COPG1: variants seen among roughly 807,000 people sequenced by gnomAD.
The protein encoded by COPG1 is coat protein complex I subunit gamma 1.
Under a neutral mutation model 102.8 loss-of-function variants are expected in COPG1, and 29 were observed. The ratio of observed to expected loss-of-function variants is 0.28; its 90% CI spans 0.21 to 0.38. The LOEUF is 0.38. COPG1 is among the 10% of genes least tolerant of loss of function. The probability of loss-of-function intolerance (pLI) is 1.00; values close to 1 mark genes in which losing one functional copy is unlikely to be tolerated. For missense variants in COPG1, 875 were observed against 1,132.7 expected (o/e 0.77, Z 3.27); for synonymous variants, 406 against 421.6 (o/e 0.96, Z 0.45).
At chr3:129,267,155 C>T in intron 15 of COPG1, 56 bp downstream of exon 15, 1 of 1,362,766 alleles carries the variant, frequency 7.3e-7, no homozygotes, top group Non-Finnish European at 1.0e-6. Context: ...ACCCAAGCAG[C>T]TTTCCTTTGT....
At chr3:129,269,085 C>T (rs1254351357) in intron 18 of COPG1, 85 bp downstream of exon 18, 1 of 1,194,140 alleles carries the variant, frequency 8.4e-7, no homozygotes, top group Non-Finnish European at 1.3e-6. Flanking sequence ...ATATATTGGT[C>T]TCTCCTGAGT....
chr3:129,253,317 T>C (rs1191319371), intron 5 of COPG1, among the ~76,000 whole-genome samples: 1 of 152,210 alleles, frequency 6.6e-6, no homozygotes, highest in Admixed American at 6.5e-5. Context: ...AGCTAAGCAA[T>C]TCAGGGACAG....
chr3:129,277,486 T>C lies in COPG1; in HGVS notation c.*62T>C. 6.5e-7 allele frequency: 1 copy of C among 1,547,850 alleles called. No homozygotes were observed. The highest frequency in any genetic ancestry group is 8.8e-7 in the Non-Finnish European group (1 of 1,130,498). ...ACACTACCTGGAAGTTGTGCCTTCC[T>C]CATGAAACTGGCAGAAACCCCTTCC... On this transcript the variant is annotated 3_prime_UTR_variant, in exon 24 of 24. Transcript: ENST00000314797.
Position 129,254,728 on chromosome 3 carries a change from C to G in COPG1, c.384C>G (p.Leu128=), listed in dbSNP as rs1333659138. Residue 128 remains leucine (L), a synonymous_variant, in exon 6 of 24, where the codon CTC becomes CTG. Coordinates refer to ENST00000314797, the MANE Select transcript of COPG1 (RefSeq NM_016128.4). ...ACCGGGGCCCGGCCGTGCGAGCCCT[C>G]TGCCAGATCACTGATGTGAGTCGTG... ...DNYRGPAVRA[L]CQITDSTMLQ... is the part of the protein sequence containing the mutation. 1.2e-6 allele frequency: 2 copies of G among 1,614,058 alleles called. No homozygotes were observed. Among genetic ancestry groups the G allele is most frequent in the Non-Finnish European group, 1.7e-6 (2 of 1,179,914 alleles).
intron 13 of COPG1, among the ~76,000 whole-genome samples, chr3:129,264,967 G>GC (rs1381165846): frequency 1.3e-5 from 2 of 151,420 alleles, no homozygotes; most frequent in Non-Finnish European, 2.9e-5. Flanking sequence ...GACTACAGGT[G>GC]CCCCCCACCA....
At chr3:129,252,575 T>C (rs1380583821) in intron 3 of COPG1, 48 bp from the exon 4 acceptor site, 2 of 1,484,856 alleles carry the variant, frequency 1.3e-6, no homozygotes, top group Non-Finnish European at 1.9e-6. Context: ...AAAGAACTGC[T>C]GTCTGACCCT....
intron 13 of COPG1, among the ~76,000 whole-genome samples, chr3:129,264,821 G>GTT (rs112474062): frequency 6.2e-5 from 9 of 145,044 alleles, no homozygotes; most frequent in Non-Finnish European, 9.1e-5. Context: ...CATGATAGCA[G>GTT]TTTTTTTTTT....
chr3:129,260,874 C>T (rs1939913292), intron 12 of COPG1, 67 bp downstream of exon 12: 7 of 1,523,716 alleles, frequency 4.6e-6, no homozygotes, highest in Non-Finnish European at 6.3e-6. Context: ...TCTCTGTGGC[C>T]ACAGCCTTCC....
chr3:129,265,413 G>C (rs1476600680), intron 13 of COPG1, 136 bp from the exon 14 acceptor site: 2 of 1,046,288 alleles, frequency 1.9e-6, no homozygotes, highest in Non-Finnish European at 1.4e-6. Context: ...TGACAGGAAA[G>C]AGTGATAGAG....
At chr3:129,250,565 T>C in intron 1 of COPG1, 117 bp from the exon 2 acceptor site, 2 of 789,658 alleles carry the variant, frequency 2.5e-6, no homozygotes, top group Non-Finnish European at 4.3e-6. Flanking sequence ...TTGCCATTCC[T>C]GAGGAGTTTG....
In COPG1 at chr3:129,272,794, C is replaced by G; in HGVS notation, c.2159-13C>G. ...TGGGGACATCCTAACTACCCAGCCT[C>G]TCTTCCCCACAGTGGCCTGCACATT... On this transcript the variant is annotated splice_polypyrimidine_tract_variant and intron_variant, in intron 20 of 23. Transcript: ENST00000314797. The G allele has an allele frequency of 1.3e-6, 2 of 1,595,536 alleles. No homozygotes were observed. Among genetic ancestry groups the G allele is most frequent in the Non-Finnish European group, 1.7e-6 (2 of 1,164,090 alleles).
chr3:129,254,484 G>A (rs779833800), intron 5 of COPG1, 184 bp from the exon 6 acceptor site: 66 of 546,778 alleles, frequency 1.2e-4, no homozygotes, highest in Non-Finnish European at 1.1e-4. Flanking sequence ...TGACCTGTTT[G>A]GTTTTGAGTC....
At chr3:129,255,179 C>A in intron 7 of COPG1, 102 bp downstream of exon 7, 5 of 610,250 alleles carry the variant, frequency 8.2e-6, no homozygotes, top group Non-Finnish European at 1.1e-5. Flanking sequence ...TTCTTTCTTT[C>A]TTTTTTTTTT....
rs1939909046 is a variant in COPG1 at position 129,260,714 on chromosome 3, C to T, written c.1035C>T (p.Ile345=). 6.2e-7 allele frequency: 1 copy of T among 1,613,752 alleles called. No homozygotes were observed. The highest frequency in any genetic ancestry group is 8.5e-7 in the Non-Finnish European group (1 of 1,180,050). The change falls in exon 12 of 24, where the codon ATC becomes ATT. Residue 345 remains isoleucine (I), a synonymous_variant. Transcript: ENST00000314797. ...DSNRSIATLA[I]TTLLKTGSES... is the part of the protein sequence containing the mutation. ...ACCGCAGCATTGCCACGCTGGCCAT[C>T]ACCACCCTCCTTAAGACGGGCAGCG... is the stretch of plus-strand genomic sequence containing the variant.
chr3:129,263,272 G>T (rs1939977505), intron 12 of COPG1, among the ~76,000 whole-genome samples: 1 of 152,186 alleles, frequency 6.6e-6, no homozygotes, highest in Non-Finnish European at 1.5e-5. Flanking sequence ...GTTTGCAGGG[G>T]AGGAAAAGAT....
rs751992693 is a variant in COPG1, at chr3:129,268,576, A to G, written c.1730A>G (p.Lys577Arg). The change falls in exon 17 of 24, where the codon AAG becomes AGG. Residue 577 changes from lysine to arginine, a missense_variant. Transcript: ENST00000314797. ...CCATCAGAAAAACCTTTTGACCTCA[A>G]GTCTGTGCCCCTGGCCACGGCGCCC... ...LEPSEKPFDL[K>R]SVPLATAPMA... 1.2e-6 allele frequency: 2 copies of G among 1,614,216 alleles called. No individual in the cohort carries two copies. Among genetic ancestry groups the G allele is most frequent in the Non-Finnish European group, 1.7e-6 (2 of 1,180,028 alleles).
rs1443052413 is a variant in COPG1, at chr3:129,254,679, A to G, written c.335A>G (p.Asp112Gly). 6.2e-7 allele frequency: 1 copy of G among 1,614,046 alleles called. No individual in the cohort carries two copies. The highest frequency in any genetic ancestry group is 1.1e-5 in the South Asian group (1 of 91,082). ...CTTCTTCCCTGCAGCCTAACAAAAGACATGACTGGGAAAGAAGACAACTAC... is the reference window on the plus strand; with the variant it reads ...CTTCTTCCCTGCAGCCTAACAAAAGGCATGACTGGGAAAGAAGACAACTAC... ...VIIVTSSLTK[D>G]MTGKEDNYRG... The change falls in exon 6 of 24, where the codon GAC becomes GGC. Residue 112 changes from aspartate to glycine, a missense_variant. By Grantham distance (94) the Asp-to-Gly change is moderately conservative. Transcript: ENST00000314797.
chr3:129,253,362 T>G (rs1560061983), intron 5 of COPG1, among the ~76,000 whole-genome samples: 1 of 152,194 alleles, frequency 6.6e-6, no homozygotes, highest in Non-Finnish European at 1.5e-5. Context: ...CCTTAAGAAC[T>G]GGGGCTCAGT....
Position 129,250,602 on chromosome 3 carries a change from A to T in COPG1, c.38-80A>T. The T allele has an allele frequency of 3.6e-6, 4 of 1,116,610 alleles. No homozygotes were observed. In the South Asian group the frequency reaches 3.8e-5, roughly 11 times the overall value. The allele number at this position is 1,116,610 out of a possible 1,614,324, so 69.2% of individuals were successfully genotyped here. ...ACTTTACTAGATTTCCTAGGAAGGG[A>T]CATCTTCCCTTTACCTATGTCTGGG... On this transcript the variant is annotated intron_variant, in intron 1 of 23. Transcript: ENST00000314797.
Sources: gnomAD v4.1 joint callset for allele counts (sites outside exome capture counted in the v4.1 genomes callset) on GRCh38, gnomAD v4.1.1 for gene constraint, MANE v1.5 for transcripts, NCBI Gene and HGNC (gene_info 2026-07-23, HGNC 2026-07-21) for gene names.